Variants in MYO5B observed in about 807,000 individuals in gnomAD.
MYO5B encodes unconventional myosin-Vb.
Under a neutral mutation model 229.3 loss-of-function variants are expected in MYO5B, and 143 were observed. The ratio of observed to expected loss-of-function variants is 0.62; its 90% CI spans 0.54 to 0.72. The LOEUF is 0.72. Among genes scored for constraint, MYO5B ranks in the 30% least tolerant of loss-of-function variants. The pLI is 0.00. For missense variants in MYO5B, 2,321 were observed against 2,331.0 expected, an observed-to-expected ratio of 1.00 and a Z score of 0.09; for synonymous variants, 918 against 885.2, an observed-to-expected ratio of 1.04 and a Z score of -0.66.
chr18:50,037,951 A>G (rs923137306), intron 3 of MYO5B, among the ~76,000 whole-genome samples: 7 of 152,148 alleles, frequency 4.6e-5, no homozygotes, highest in East Asian at 1.9e-4. Context: ...CATGTTTGCT[A>G]TTTTTTATTA....
At position 50,124,104 on chromosome 18, in the gene MYO5B, A is replaced by G. The variant is rs181918843; in HGVS notation, c.28-68726T>C. On this transcript the variant is annotated intron_variant, in intron 1 of 39. Transcript: ENST00000285039. Reference sequence around the variant, plus strand: ...TTAAATTCTCATCTAAAAATTCAACAAAGTCACACTGCACCCTATGATTAA... The same window carrying G: ...TTAAATTCTCATCTAAAAATTCAACGAAGTCACACTGCACCCTATGATTAA... Among the ~76,000 whole-genome samples the G allele has an allele frequency of 8.0e-4, 122 of 152,336 alleles. 3 individuals are homozygous for G. The South Asian group carries it at 0.012, about 15-fold the overall frequency.
At chr18:50,079,077 G>A (rs764973339) in intron 1 of MYO5B, among the ~76,000 whole-genome samples, 2 of 152,232 alleles carry the variant, frequency 1.3e-5, no homozygotes, top group Non-Finnish European at 2.9e-5. Flanking sequence ...GAAGGGCATA[G>A]TGACTGCAAG....
chr18:50,148,103 C>T (rs1464987171), intron 1 of MYO5B, among the ~76,000 whole-genome samples: 3 of 150,380 alleles, frequency 2.0e-5, no homozygotes, highest in South Asian at 2.2e-4. Flanking sequence ...ATACATTCCT[C>T]GACACATACA....
At chr18:49,878,854 A>C in intron 24 of MYO5B, 91 bp downstream of exon 24, 2 of 1,451,610 alleles carry the variant, frequency 1.4e-6, no homozygotes, top group Non-Finnish European at 1.9e-6. Context: ...TGAGCATCAC[A>C]TATCAGAAAG....
At position 49,904,606 on chromosome 18, in the gene MYO5B, G is replaced by A. The variant is rs2024878193; in HGVS notation, c.2571+66C>T. On this transcript the variant is annotated intron_variant, in intron 20 of 39. Coordinates refer to ENST00000285039, the MANE Select transcript of MYO5B (RefSeq NM_001080467.3). The stretch of plus-strand genomic sequence containing the variant: ...TGCTTGACAGAGGTTCACGTTGGCA[G>A]TAATTCATCTGTTGCCACTTTAGTT... 15 of 1,597,220 alleles carry A rather than the reference G, an allele frequency of 9.4e-6. No individual in the cohort carries two copies. The South Asian group carries it at 1.7e-4, about 18-fold the overall frequency.
chr18:49,977,362 G>A (rs2025762981), intron 9 of MYO5B, among the ~76,000 whole-genome samples: 1 of 152,116 alleles, frequency 6.6e-6, no homozygotes, highest in Admixed American at 6.5e-5. Context: ...GGCAGTCATG[G>A]AGCACATTCT....
intron 4 of MYO5B, among the ~76,000 whole-genome samples, chr18:50,031,038 T>C (rs2026383119): frequency 6.6e-6 from 1 of 152,312 alleles, no homozygotes; most frequent in South Asian, 2.1e-4. Flanking sequence ...TCTATCCCTT[T>C]TGCCCCTTAG....
chr18:49,824,693 G>A lies in MYO5B; in HGVS notation c.*1778C>T, dbSNP rs534517272. On this transcript the variant is annotated 3_prime_UTR_variant, in exon 40 of 40. Coordinates refer to ENST00000285039, the MANE Select transcript of MYO5B (RefSeq NM_001080467.3). ...TAAAGAGGTAGCCACAAACCCAGTTGTTTTAGATTGGCCTTCTAAATGAAG... is the reference window on the plus strand; with the variant it reads ...TAAAGAGGTAGCCACAAACCCAGTTATTTTAGATTGGCCTTCTAAATGAAG... The A allele has an allele frequency of 6.6e-6, 1 of 152,154 alleles. No homozygotes were observed. The highest frequency in any genetic ancestry group is 1.5e-5 in the Non-Finnish European group (1 of 68,014). The allele number at this position is 152,154 out of a possible 1,614,324, so 9.4% of individuals were successfully genotyped here.
At chr18:50,029,384 A>G (rs2144370686) in intron 4 of MYO5B, among the ~76,000 whole-genome samples, 1 of 152,328 alleles carries the variant, frequency 6.6e-6, no homozygotes, top group African/African-American at 2.4e-5. Context: ...AGGGCCGGAG[A>G]AGAGATTAAA....
rs923120772 is a variant in MYO5B, at chr18:49,852,646, T to A, written c.4221+803A>T. On this transcript the variant is annotated intron_variant, in intron 31 of 39. Coordinates refer to ENST00000285039, the MANE Select transcript of MYO5B (RefSeq NM_001080467.3). ...TACAGGCACGTTCAGCTCCAGAAGG[T>A]GATCGGCACTGCTGAGCCCCGCCCT... is the stretch of plus-strand genomic sequence containing the variant. 2.6e-5 allele frequency among the ~76,000 whole-genome samples: 4 copies of A among 152,156 alleles called. No individual in the cohort carries two copies. In the South Asian group the frequency reaches 6.2e-4, roughly 24 times the overall value.
At chr18:50,075,641 C>T (rs1489225832) in intron 1 of MYO5B, among the ~76,000 whole-genome samples, 1 of 152,138 alleles carries the variant, frequency 6.6e-6, no homozygotes, top group African/African-American at 2.4e-5. Context: ...CACTGTGTTC[C>T]CCAAGACAGA....
chr18:50,086,008 A>G (rs1395302126), intron 1 of MYO5B, among the ~76,000 whole-genome samples: 1 of 152,166 alleles, frequency 6.6e-6, no homozygotes, highest in East Asian at 1.9e-4. Context: ...TGGCACATGT[A>G]TACATATGTA....
chr18:49,929,401 C>A (rs533552126), intron 17 of MYO5B, 111 bp downstream of exon 17: 9 of 821,678 alleles, frequency 1.1e-5, no homozygotes, highest in Non-Finnish European at 1.7e-5. Context: ...GTTTGGGAAC[C>A]GTTTTGAAGG....
In MYO5B at chr18:49,862,798, G is replaced by C. The variant is rs117417499; in HGVS notation, c.3944+429C>G. On this transcript the variant is annotated intron_variant, in intron 29 of 39. Transcript: ENST00000285039. ...AGCTTGGGTTCCATCTGTTCTGAAT[G>C]ACAGAGGGTGGGCCCCCACTGTGTG... Among the ~76,000 whole-genome samples the C allele has an allele frequency of 2.8e-4, 43 of 152,258 alleles. No homozygotes were observed. The East Asian group carries it at 6.2e-3, about 22-fold the overall frequency.
At chr18:50,009,869 C>G (rs1023114852) in intron 4 of MYO5B, among the ~76,000 whole-genome samples, 5 of 152,206 alleles carry the variant, frequency 3.3e-5, no homozygotes, top group African/African-American at 1.2e-4. Context: ...CACCTGGAGG[C>G]AGGGCACTTG....
At chr18:49,891,046 G>A (rs2024708576) in intron 22 of MYO5B, among the ~76,000 whole-genome samples, 1 of 152,118 alleles carries the variant, frequency 6.6e-6, no homozygotes, top group Non-Finnish European at 1.5e-5. Flanking sequence ...GAGGTTTCAT[G>A]GGTCAAGGCC....
At chr18:49,983,324 C>G (rs1042681906) in intron 8 of MYO5B, among the ~76,000 whole-genome samples, 1 of 152,162 alleles carries the variant, frequency 6.6e-6, no homozygotes, top group African/African-American at 2.4e-5. Flanking sequence ...ATCAGGGAGC[C>G]CAGAAACCTC....
intron 21 of MYO5B, among the ~76,000 whole-genome samples, chr18:49,900,846 C>T (rs1030401188): frequency 4.6e-5 from 7 of 152,150 alleles, no homozygotes; most frequent in African/African-American, 1.7e-4. Context: ...GGGAGCCAAA[C>T]GCAGCAGTAG....
intron 27 of MYO5B, among the ~76,000 whole-genome samples, chr18:49,870,696 G>T (rs1192930062): frequency 6.6e-6 from 1 of 151,990 alleles, no homozygotes; most frequent in Non-Finnish European, 1.5e-5. Flanking sequence ...TTACTATCAG[G>T]AAAATGCAAG....
Sources: allele counts gnomAD v4.1 joint callset (sites outside exome capture counted in the v4.1 genomes callset), GRCh38; gene constraint gnomAD v4.1.1; transcripts MANE v1.5; gene names NCBI Gene and HGNC (gene_info 2026-07-23, HGNC 2026-07-21).